Variants in CREB1 observed in about 807,000 individuals in gnomAD.
CREB1 encodes the protein cyclic AMP-responsive element-binding protein 1.
A neutral mutation model predicts 42.0 loss-of-function variants in CREB1; 2 were observed. The observed-to-expected ratio is 0.05, with a 90% CI of 0.02 to 0.15. CREB1 has a LOEUF of 0.15. Among genes scored for constraint, CREB1 ranks in the 10% least tolerant of loss-of-function variants. The pLI, the probability that CREB1 is intolerant of heterozygous loss-of-function variation, is 1.00. For synonymous variants in CREB1, 123 were observed against 139.9 expected, an observed-to-expected ratio of 0.88 and a Z score of 0.85; for missense variants, 199 against 388.9, an observed-to-expected ratio of 0.51 and a Z score of 4.11.
In CREB1 at chr2:207,589,128, A is replaced by C. The variant is rs1014635499; in HGVS notation, c.840-7786A>C. Reference sequence around the variant, plus strand: ...GCATGTCACAAACTGCCACAAACTTACTGGCTTAAACAACACAAATGTATT... The same window carrying C: ...GCATGTCACAAACTGCCACAAACTTCCTGGCTTAAACAACACAAATGTATT... On this transcript the variant is annotated intron_variant, in intron 7 of 7. Coordinates refer to ENST00000353267, the MANE Select transcript of CREB1 (RefSeq NM_004379.5). Among the ~76,000 whole-genome samples the C allele has an allele frequency of 7.4e-4, 113 of 152,158 alleles. 1 individual carries two copies. Among genetic ancestry groups the C allele is most frequent in the South Asian group, 4.1e-4 (2 of 4,832 alleles).
intron 1 of CREB1, among the ~76,000 whole-genome samples, chr2:207,552,201 G>A (rs1431604501): frequency 6.6e-6 from 1 of 152,098 alleles, no homozygotes; most frequent in Admixed American, 6.5e-5. Context: ...GTGGAGGGAA[G>A]AGGATGAAAA....
At chr2:207,540,402 A>T (rs567440780) in intron 1 of CREB1, among the ~76,000 whole-genome samples, 1 of 152,198 alleles carries the variant, frequency 6.6e-6, no homozygotes, top group Middle Eastern at 3.4e-3. Context: ...GCACTTGGGG[A>T]GGCTGAGTCA....
chr2:207,579,629 G>C (rs2082761648), intron 7 of CREB1, among the ~76,000 whole-genome samples: 1 of 152,102 alleles, frequency 6.6e-6, no homozygotes, highest in African/African-American at 2.4e-5. Context: ...ACTTACCATG[G>C]ACTCTTTCAT....
At chr2:207,583,417 A>G (rs562292356) in intron 7 of CREB1, among the ~76,000 whole-genome samples, 2 of 152,346 alleles carry the variant, frequency 1.3e-5, no homozygotes, top group East Asian at 1.9e-4. Flanking sequence ...TAAATCTACT[A>G]TACATACAGA....
At chr2:207,588,180 T>C (rs2084243220) in intron 7 of CREB1, among the ~76,000 whole-genome samples, 1 of 152,254 alleles carries the variant, frequency 6.6e-6, no homozygotes, top group South Asian at 2.1e-4. Flanking sequence ...TAGAGTTTTA[T>C]ATTTAGATCT....
chr2:207,601,569 A>G lies in CREB1; in HGVS notation c.*4511A>G. On this transcript the variant is annotated 3_prime_UTR_variant, in exon 8 of 8. Coordinates refer to ENST00000353267, the MANE Select transcript of CREB1 (RefSeq NM_004379.5). ...GCATAATATTTATTTTCAATTTTTAATGAGACTTTATCCTCATCACAACAT... is the reference window on the plus strand; with the variant it reads ...GCATAATATTTATTTTCAATTTTTAGTGAGACTTTATCCTCATCACAACAT... 1 of 203,376 alleles carries G rather than the reference A, an allele frequency of 4.9e-6. No individual in the cohort carries two copies. The allele number at this position is 203,376 out of a possible 1,614,324, so 12.6% of individuals were successfully genotyped here.
At chr2:207,545,731 CTTTT>C (rs11356093) in intron 1 of CREB1, among the ~76,000 whole-genome samples, 2 of 136,872 alleles carry the variant, frequency 1.5e-5, no homozygotes, top group African/African-American at 2.7e-5. Flanking sequence ...AGGAAGTGAA[CTTTT>C]TTTTTTTTTT....
At chr2:207,531,402 T>C (rs1027277275) in intron 1 of CREB1, among the ~76,000 whole-genome samples, 1 of 152,206 alleles carries the variant, frequency 6.6e-6, no homozygotes, top group African/African-American at 2.4e-5. Flanking sequence ...CGTCTTGAGA[T>C]TGACAATTTA....
chr2:207,539,278 T>A (rs934499038), intron 1 of CREB1, among the ~76,000 whole-genome samples: 8 of 150,620 alleles, frequency 5.3e-5, no homozygotes, highest in Admixed American at 4.7e-4. Context: ...GGTCTCGAAC[T>A]CCTGACCTTA....
chr2:207,566,214 AATG>A (rs1159563003), intron 3 of CREB1, among the ~76,000 whole-genome samples: 1 of 152,180 alleles, frequency 6.6e-6, no homozygotes, highest in South Asian at 2.1e-4. Context: ...AGCCCTGTAA[AATG>A]AATGCCCACT....
At chr2:207,587,765 T>A (rs1697220549) in intron 7 of CREB1, among the ~76,000 whole-genome samples, 1 of 151,878 alleles carries the variant, frequency 6.6e-6, no homozygotes, top group Admixed American at 6.6e-5. Context: ...AAGTAGAGAG[T>A]AAAATTGTGG....
rs1158580098 is a variant in CREB1 at position 207,605,694 on chromosome 2, T to C, written c.*8636T>C. On this transcript the variant is annotated 3_prime_UTR_variant, in exon 8 of 8. Transcript: ENST00000353267. ...AACAGTGGTTTATAAACTGCTGCCA[T>C]TGTACAGATACAGTTTAACCAGTCC... 6.6e-6 allele frequency among the ~76,000 whole-genome samples: 1 copy of C among 152,232 alleles called. No individual in the cohort carries two copies. Among genetic ancestry groups the C allele is most frequent in the Admixed American group, 6.5e-5 (1 of 15,288 alleles).
In CREB1 at chr2:207,597,832, T is replaced by G. The variant is rs1158682027; in HGVS notation, c.*774T>G. 2 of 193,470 alleles carry G rather than the reference T, an allele frequency of 1.0e-5. No individual in the cohort carries two copies. The highest frequency in any genetic ancestry group is 2.2e-5 in the Non-Finnish European group (2 of 92,840). 12.0% of individuals were successfully genotyped at this position (193,470 alleles called of 1,614,324 possible). ...ATTTGAATTTTAAATTAAAGCAAAG[T>G]AAATAAAAGTACAAAGCATATTTTA... On this transcript the variant is annotated 3_prime_UTR_variant, in exon 8 of 8. Coordinates refer to ENST00000353267, the MANE Select transcript of CREB1 (RefSeq NM_004379.5).
Position 207,575,207 on chromosome 2 carries a change from G to T in CREB1, c.506-65G>T. 3.5e-6 allele frequency: 5 copies of T among 1,443,806 alleles called. No homozygotes were observed. The South Asian group carries it at 4.0e-5, about 12-fold the overall frequency. 89.4% of individuals were successfully genotyped at this position (1,443,806 alleles called of 1,614,324 possible). On this transcript the variant is annotated intron_variant, in intron 5 of 7. Transcript: ENST00000353267. ...TTATTTTACAAATTATTCTACATTG[G>T]ATGTAATGTTTTAAAAGTCTTATAT...
chr2:207,587,341 C>G (rs953918705), intron 7 of CREB1, among the ~76,000 whole-genome samples: 1 of 149,622 alleles, frequency 6.7e-6, no homozygotes, highest in African/African-American at 2.5e-5. Flanking sequence ...TGCAGTGAGC[C>G]GAGATCGCAC....
At chr2:207,596,885 T>A in intron 7 of CREB1, 29 bp from the exon 8 acceptor site, 2 of 1,585,100 alleles carry the variant, frequency 1.3e-6, no homozygotes, top group Non-Finnish European at 1.7e-6. Context: ...ATCATTTGCA[T>A]AATTTTTCCC....
In CREB1 at chr2:207,597,626, G is replaced by A. The variant is rs1575046836; in HGVS notation, c.*568G>A. ...TATTGAAGGAATTAGAAATGAATTT[G>A]GAGTGCTTTTTATGTATGTTGTCTT... On this transcript the variant is annotated 3_prime_UTR_variant, in exon 8 of 8. Transcript: ENST00000353267. The A allele has an allele frequency of 4.8e-6, 1 of 208,500 alleles. No individual in the cohort carries two copies. Among genetic ancestry groups the A allele is most frequent in the East Asian group, 7.3e-5 (1 of 13,670 alleles). The allele number at this position is 208,500 out of a possible 1,614,324, so 12.9% of individuals were successfully genotyped here. A position where few individuals can be genotyped will look rare whatever the true frequency, so the allele number is the denominator to read the frequency against.
At chr2:207,557,419 A>C (rs372943514) in intron 2 of CREB1, among the ~76,000 whole-genome samples, 1 of 152,236 alleles carries the variant, frequency 6.6e-6, no homozygotes, top group African/African-American at 2.4e-5. Flanking sequence ...GTGATGGCTC[A>C]CACCTATAAT....
At chr2:207,556,507 A>G (rs1256719040) in intron 2 of CREB1, among the ~76,000 whole-genome samples, 1 of 152,190 alleles carries the variant, frequency 6.6e-6, no homozygotes. Context: ...AGTTTCTCCA[A>G]GAGTTTAAAA....
Sources: gnomAD v4.1 joint callset for allele counts (sites outside exome capture counted in the v4.1 genomes callset) on GRCh38, gnomAD v4.1.1 for gene constraint, MANE v1.5 for transcripts, NCBI Gene and HGNC (gene_info 2026-07-23, HGNC 2026-07-21) for gene names.